DLGAP1: variants seen among roughly 807,000 people sequenced by gnomAD.
DLGAP1 encodes the protein disks large-associated protein 1.
A neutral mutation model predicts 90.8 loss-of-function variants in DLGAP1; 11 were observed. The observed-to-expected ratio is 0.12, with a 90% CI of 0.08 to 0.20. The LOEUF (loss-of-function observed/expected upper bound fraction) is 0.20. DLGAP1 is among the 10% of genes least tolerant of loss of function. The probability of loss-of-function intolerance (pLI) is 1.00; values close to 1 mark genes in which losing one functional copy is unlikely to be tolerated. For missense variants in DLGAP1, 1,050 were observed against 1,333.8 expected, an observed-to-expected ratio of 0.79 and a Z score of 3.31; for synonymous variants, 558 against 540.7, an observed-to-expected ratio of 1.03 and a Z score of -0.44.
At chr18:4,148,585 G>A (rs1394635875) in intron 2 of DLGAP1, among the ~76,000 whole-genome samples, 1 of 152,120 alleles carries the variant, frequency 6.6e-6, no homozygotes. Context: ...CCTTCACTCA[G>A]TTTGCATGTC....
intron 3 of DLGAP1, among the ~76,000 whole-genome samples, chr18:3,964,966 C>T (rs982281177): frequency 1.3e-5 from 2 of 152,116 alleles, no homozygotes; most frequent in African/African-American, 4.8e-5. Context: ...GAAATGTCAC[C>T]AAATTTACGT....
chr18:3,867,290 A>G (rs10502315), intron 4 of DLGAP1, among the ~76,000 whole-genome samples: 24,841 of 152,172 alleles, frequency 0.16, 2,515 homozygotes, highest in African/African-American at 0.27. Context: ...TGGAAATGCC[A>G]CTTAGCCTCT....
chr18:3,998,672 G>A (rs1248653123), intron 3 of DLGAP1, among the ~76,000 whole-genome samples: 1 of 152,026 alleles, frequency 6.6e-6, no homozygotes, highest in East Asian at 1.9e-4. Context: ...AATTCAAGTA[G>A]AGGACTTTTT....
intron 9 of DLGAP1, among the ~76,000 whole-genome samples, chr18:3,542,050 G>A (rs756119365): frequency 5.3e-5 from 8 of 152,176 alleles, no homozygotes; most frequent in Non-Finnish European, 1.0e-4. Flanking sequence ...AATGGTAGGT[G>A]CCATTCACAG....
chr18:4,155,928 C>T (rs1016864111), intron 1 of DLGAP1, among the ~76,000 whole-genome samples: 3 of 152,126 alleles, frequency 2.0e-5, no homozygotes, highest in African/African-American at 4.8e-5. Flanking sequence ...GCTTGTGAAC[C>T]ACCTGGAGAC....
At chr18:4,125,535 C>T (rs1473120531) in intron 2 of DLGAP1, among the ~76,000 whole-genome samples, 4 of 152,108 alleles carry the variant, frequency 2.6e-5, no homozygotes, top group African/African-American at 9.7e-5. Flanking sequence ...AGACATAGGG[C>T]TGGAATAGTG....
Position 3,729,577 on chromosome 18 carries a change from T to C in DLGAP1, c.1351-202A>G, listed in dbSNP as rs1249920237. On this transcript the variant is annotated intron_variant, in intron 6 of 12. Coordinates refer to ENST00000315677, the MANE Select transcript of DLGAP1 (RefSeq NM_004746.4). This position sits in a 1 kb window ranked among gnomAD's most constrained non-coding sequence, Gnocchi z 6.2. ...TCCAAACAATAGATTACTTTTTTTT[T>C]CTTGTATTTTTAGTAGAGACAGGGT... 1.3e-5 allele frequency among the ~76,000 whole-genome samples: 2 copies of C among 152,078 alleles called. No homozygotes were observed. The highest frequency in any genetic ancestry group is 4.8e-5 in the African/African-American group (2 of 41,340).
intron 3 of DLGAP1, among the ~76,000 whole-genome samples, chr18:3,899,668 T>C (rs951821101): frequency 6.6e-6 from 1 of 152,180 alleles, no homozygotes; most frequent in African/African-American, 2.4e-5. Flanking sequence ...CCTTCTACCA[T>C]AGCATCTTTA....
intron 7 of DLGAP1, among the ~76,000 whole-genome samples, chr18:3,614,215 G>C (rs2057754545): frequency 6.6e-6 from 1 of 152,092 alleles, no homozygotes. Flanking sequence ...ACCGTGCCTG[G>C]CCAGTTGTCA....
chr18:3,908,802 A>T (rs2071969885), intron 3 of DLGAP1, among the ~76,000 whole-genome samples: 1 of 152,234 alleles, frequency 6.6e-6, no homozygotes, highest in Admixed American at 6.5e-5. Flanking sequence ...ACCTACAAAA[A>T]TGTGTTTGAA....
At chr18:4,379,425 G>A (rs1159189773) in intron 1 of DLGAP1, among the ~76,000 whole-genome samples, 2 of 152,098 alleles carry the variant, frequency 1.3e-5, no homozygotes, top group African/African-American at 4.8e-5. Flanking sequence ...CTGTGTCTTA[G>A]ATACCTGATG....
At chr18:4,011,794 A>G (rs1401627567) in intron 2 of DLGAP1, among the ~76,000 whole-genome samples, 1 of 152,162 alleles carries the variant, frequency 6.6e-6, no homozygotes, top group Non-Finnish European at 1.5e-5. Context: ...ACTGAACTCC[A>G]GCCTGGGTGA....
chr18:3,870,572 C>A (rs2070683088), intron 4 of DLGAP1, among the ~76,000 whole-genome samples: 1 of 152,030 alleles, frequency 6.6e-6, no homozygotes, highest in Non-Finnish European at 1.5e-5. Flanking sequence ...GTAATTCCTA[C>A]CTGTCACACC....
chr18:3,891,546 C>T (rs1002175640), intron 3 of DLGAP1, among the ~76,000 whole-genome samples: 3 of 152,118 alleles, frequency 2.0e-5, no homozygotes, highest in Admixed American at 1.3e-4. Flanking sequence ...CTCATCTAGA[C>T]TTGGTTGGGA....
At chr18:4,313,881 G>A (rs182935662) in intron 1 of DLGAP1, among the ~76,000 whole-genome samples, 5 of 152,290 alleles carry the variant, frequency 3.3e-5, no homozygotes, top group Admixed American at 2.0e-4. Context: ...AACAAGACTT[G>A]GATAGATAAA....
intron 5 of DLGAP1, among the ~76,000 whole-genome samples, chr18:3,780,863 G>A (rs2065156933): frequency 6.7e-6 from 1 of 148,464 alleles, no homozygotes; most frequent in East Asian, 2.3e-4. Flanking sequence ...GTGCAGTGGT[G>A]CAATCTTAGC....
At chr18:4,111,169 C>G (rs1568402818) in intron 2 of DLGAP1, among the ~76,000 whole-genome samples, 2 of 151,988 alleles carry the variant, frequency 1.3e-5, no homozygotes, top group African/African-American at 2.4e-5. Context: ...TTAAGATGAT[C>G]TTCTGAGTTT....
intron 1 of DLGAP1, among the ~76,000 whole-genome samples, chr18:4,152,700 AG>A (rs1490675846): frequency 6.6e-6 from 1 of 152,206 alleles, no homozygotes; most frequent in Non-Finnish European, 1.5e-5. Context: ...AATAATACAC[AG>A]GAGGAACACT....
intron 3 of DLGAP1, among the ~76,000 whole-genome samples, chr18:3,900,884 C>T (rs1444798869): frequency 6.6e-6 from 1 of 152,132 alleles, no homozygotes; most frequent in African/African-American, 2.4e-5. Context: ...GATATTCTGT[C>T]CAAGCCACCT....
Sources: gnomAD v4.1 joint callset for allele counts (sites outside exome capture counted in the v4.1 genomes callset) on GRCh38, gnomAD v4.1.1 for gene constraint, Gnocchi (gnomAD v3.1) non-coding constraint, MANE v1.5 for transcripts, NCBI Gene and HGNC (gene_info 2026-07-23, HGNC 2026-07-21) for gene names.